Variants in SLC49A4 observed in about 807,000 individuals in gnomAD.
SLC49A4 encodes solute carrier family 49 member 4, also known as disrupted in renal cancer protein 2.
A neutral mutation model predicts 50.6 loss-of-function variants in SLC49A4; 36 were observed. The ratio of observed to expected loss-of-function variants is 0.71; its 90% CI spans 0.55 to 0.94. The LOEUF is 0.94. SLC49A4 is among the 40% of genes least tolerant of loss of function. The pLI, the probability that SLC49A4 is intolerant of heterozygous loss-of-function variation, is 0.00. For missense variants in SLC49A4, 503 were observed against 605.7 expected (o/e 0.83, Z 1.78); for synonymous variants, 248 against 241.2 (o/e 1.03, Z -0.26).
chr3:122,864,979 A>G (rs924523204), intron 7 of SLC49A4, among the ~76,000 whole-genome samples: 7 of 152,202 alleles, frequency 4.6e-5, no homozygotes, highest in African/African-American at 1.2e-4. Flanking sequence ...CTGCACTCCA[A>G]CGTGGATGAC....
intron 7 of SLC49A4, 28 bp downstream of exon 7, chr3:122,860,230 A>G: frequency 6.4e-7 from 1 of 1,556,160 alleles, no homozygotes; most frequent in Non-Finnish European, 8.7e-7. Flanking sequence ...TTGAACTTTT[A>G]ATAAATATTT....
Position 122,845,794 on chromosome 3 carries a change from T to C in SLC49A4, c.865T>C (p.Tyr289His). The change falls in exon 5 of 9, where the codon TAT (tyrosine) becomes CAT (histidine). Residue 289 changes from tyrosine to histidine, a missense_variant. Tyr to His is a moderately conservative substitution (Grantham distance 83). Coordinates refer to ENST00000261038, the MANE Select transcript of SLC49A4 (RefSeq NM_032839.3). ...NFRFLMIALA[Y>H]AIPLGVFAGW... Reference sequence around the variant, plus strand: ...TCGATTTTTGATGATTGCTTTAGCATATGCCATACCACTTGGTGTATTTGC... The same window carrying C: ...TCGATTTTTGATGATTGCTTTAGCACATGCCATACCACTTGGTGTATTTGC... 6.2e-7 allele frequency: 1 copy of C among 1,610,998 alleles called. No individual in the cohort carries two copies.
At chr3:122,813,517 CCT>C (rs1409785855) in intron 2 of SLC49A4, among the ~76,000 whole-genome samples, 1 of 152,078 alleles carries the variant, frequency 6.6e-6, no homozygotes, top group East Asian at 1.9e-4. Flanking sequence ...TGCTCATAAT[CCT>C]CTCTCTCCCT....
At chr3:122,802,689 GAAC>G (rs1376974055) in intron 1 of SLC49A4, among the ~76,000 whole-genome samples, 2 of 152,076 alleles carry the variant, frequency 1.3e-5, no homozygotes, top group African/African-American at 4.8e-5. Context: ...GACAGAAAAA[GAAC>G]AACATTGAAC....
At chr3:122,878,946 T>G (rs1031687549) in intron 8 of SLC49A4, among the ~76,000 whole-genome samples, 2 of 152,208 alleles carry the variant, frequency 1.3e-5, no homozygotes, top group African/African-American at 4.8e-5. Context: ...AAAATAATTA[T>G]CAAACTAACA....
chr3:122,804,504 T>C (rs1347208609), intron 1 of SLC49A4, among the ~76,000 whole-genome samples: 1 of 152,240 alleles, frequency 6.6e-6, no homozygotes, highest in Admixed American at 6.5e-5. Flanking sequence ...CATGGAATTA[T>C]AGAGTTATGC....
intron 8 of SLC49A4, among the ~76,000 whole-genome samples, chr3:122,875,620 G>C (rs1937256492): frequency 6.6e-6 from 1 of 152,126 alleles, no homozygotes; most frequent in African/African-American, 2.4e-5. Context: ...CCAAAGTGCT[G>C]AGATTACAGG....
At chr3:122,863,336 G>T (rs559633022) in intron 7 of SLC49A4, among the ~76,000 whole-genome samples, 1 of 152,278 alleles carries the variant, frequency 6.6e-6, no homozygotes, top group Non-Finnish European at 1.5e-5. Context: ...TCCCACTGTG[G>T]AACCTAGCAC....
chr3:122,845,455 G>T (rs531082564), intron 4 of SLC49A4, among the ~76,000 whole-genome samples: 70 of 152,240 alleles, frequency 4.6e-4, no homozygotes, highest in African/African-American at 1.6e-3. Flanking sequence ...ATAGTGGAGT[G>T]ATTTACCCAA....
At chr3:122,836,542 A>G (rs370035197) in intron 4 of SLC49A4, among the ~76,000 whole-genome samples, 28 of 152,104 alleles carry the variant, frequency 1.8e-4, no homozygotes, top group East Asian at 1.6e-3. Context: ...CTCTTTTTCT[A>G]TTGATTGGAA....
At chr3:122,799,131 C>T (rs1936094412) in intron 1 of SLC49A4, among the ~76,000 whole-genome samples, 1 of 152,286 alleles carries the variant, frequency 6.6e-6, no homozygotes, top group South Asian at 2.1e-4. Context: ...GTTCCACGCA[C>T]TGGGGACATG....
chr3:122,795,243 C>G lies in SLC49A4; in HGVS notation c.51C>G (p.Pro17=), dbSNP rs1179921002. 1.5e-6 allele frequency: 2 copies of G among 1,344,568 alleles called. No individual in the cohort carries two copies. Among genetic ancestry groups the G allele is most frequent in the Non-Finnish European group, 1.9e-6 (2 of 1,057,308 alleles). The allele number at this position is 1,344,568 out of a possible 1,614,324, so 83.3% of individuals were successfully genotyped here. A position where few individuals can be genotyped will look rare whatever the true frequency, so the allele number is the denominator to read the frequency against. ...AGGAGAGGCAGCCGCTGCTGGGGCC[C>G]GGGCTCGGGCCTGGGCTGGGGGCCT... ...SEEERQPLLG[P]GLGPGLGASW... is the part of the protein sequence containing the mutation. The change falls in exon 1 of 9, where the codon CCC becomes CCG. Residue 17 remains proline, a synonymous_variant. Coordinates refer to ENST00000261038, the MANE Select transcript of SLC49A4 (RefSeq NM_032839.3).
chr3:122,833,224 GA>G, intron 3 of SLC49A4, 92 bp from the exon 4 acceptor site: 1 of 1,267,904 alleles, frequency 7.9e-7, no homozygotes, highest in Non-Finnish European at 1.1e-6. Flanking sequence ...CTGGGTGACG[GA>G]GTGAGACCCT....
chr3:122,804,329 T>G (rs1441984290), intron 1 of SLC49A4, among the ~76,000 whole-genome samples: 1 of 152,210 alleles, frequency 6.6e-6, no homozygotes, highest in Non-Finnish European at 1.5e-5. Context: ...TTCATGAGGA[T>G]CTGTCCCTAT....
chr3:122,851,224 C>G (rs1936921206), intron 5 of SLC49A4, among the ~76,000 whole-genome samples: 1 of 151,972 alleles, frequency 6.6e-6, no homozygotes, highest in Non-Finnish European at 1.5e-5. Context: ...TCATTTTGTT[C>G]TTTATTTCTT....
intron 2 of SLC49A4, among the ~76,000 whole-genome samples, chr3:122,815,896 C>A (rs1936360189): frequency 6.6e-6 from 1 of 152,178 alleles, no homozygotes; most frequent in African/African-American, 2.4e-5. Flanking sequence ...AGTCTTAATC[C>A]TTGGTAGAAG....
At chr3:122,830,739 A>G (rs1936597376) in intron 3 of SLC49A4, among the ~76,000 whole-genome samples, 1 of 152,210 alleles carries the variant, frequency 6.6e-6, no homozygotes, top group South Asian at 2.1e-4. Context: ...AAGCCTTTTT[A>G]TAAAAGACAC....
intron 7 of SLC49A4, among the ~76,000 whole-genome samples, chr3:122,867,136 C>T (rs2084563925): frequency 6.6e-6 from 1 of 152,086 alleles, no homozygotes; most frequent in African/African-American, 2.4e-5. Context: ...AATTTGGGGC[C>T]AGTTTTATAT....
chr3:122,798,219 C>T (rs1343475504), intron 1 of SLC49A4, among the ~76,000 whole-genome samples: 2 of 152,056 alleles, frequency 1.3e-5, no homozygotes, highest in Non-Finnish European at 2.9e-5. Flanking sequence ...GGGGAAAATG[C>T]TGTGTTATAG....
Sources: allele counts gnomAD v4.1 joint callset (sites outside exome capture counted in the v4.1 genomes callset), GRCh38; gene constraint gnomAD v4.1.1; transcripts MANE v1.5; gene names NCBI Gene and HGNC (gene_info 2026-07-23, HGNC 2026-07-21).